The following ST8SIA5 variants were observed in gnomAD, a reference collection of about 807,000 sequenced individuals.
ST8SIA5 encodes the protein ST8 alpha-N-acetyl-neuraminide alpha-2,8-sialyltransferase 5.
A neutral mutation model predicts 40.2 loss-of-function variants in ST8SIA5; 24 were observed. The ratio of observed to expected loss-of-function variants is 0.60; its 90% CI spans 0.43 to 0.84. The LOEUF (loss-of-function observed/expected upper bound fraction) is 0.84. ST8SIA5 is among the 40% of genes least tolerant of loss of function. The pLI, the probability that ST8SIA5 is intolerant of heterozygous loss-of-function variation, is 0.00. For missense variants in ST8SIA5, 465 were observed against 498.5 expected (o/e 0.93, Z 0.64); for synonymous variants, 198 against 201.8 (o/e 0.98, Z 0.16).
At chr18:46,714,714 C>T (rs1472722363) in intron 1 of ST8SIA5, among the ~76,000 whole-genome samples, 4 of 152,182 alleles carry the variant, frequency 2.6e-5, no homozygotes, top group East Asian at 1.9e-4. Flanking sequence ...TCCACCTCCA[C>T]GGAGCCCTAT....
intron 1 of ST8SIA5, among the ~76,000 whole-genome samples, chr18:46,706,991 T>A (rs568572954): frequency 2.0e-5 from 3 of 152,310 alleles, no homozygotes; most frequent in East Asian, 3.9e-4. Context: ...CCTTAATAAA[T>A]CCTTTTCTGC....
At chr18:46,714,949 A>G (rs1428330207) in intron 1 of ST8SIA5, among the ~76,000 whole-genome samples, 1 of 152,184 alleles carries the variant, frequency 6.6e-6, no homozygotes, top group East Asian at 1.9e-4. Context: ...CCCTGACTTA[A>G]GGAGGAGGAG....
intron 1 of ST8SIA5, among the ~76,000 whole-genome samples, chr18:46,717,024 T>C (rs1213686435): frequency 6.6e-6 from 1 of 152,230 alleles, no homozygotes; most frequent in Non-Finnish European, 1.5e-5. Flanking sequence ...GGGGGACTCC[T>C]GCCTCAGCTG....
intron 1 of ST8SIA5, among the ~76,000 whole-genome samples, chr18:46,727,461 A>C (rs1314856270): frequency 6.6e-6 from 1 of 152,252 alleles, no homozygotes; most frequent in Non-Finnish European, 1.5e-5. Context: ...TTCAGGACAG[A>C]AGGCAAAATC....
In ST8SIA5 at chr18:46,704,629, T is replaced by C. The variant is rs576503234; in HGVS notation, c.167A>G (p.Asn56Ser). 6.2e-7 allele frequency: 1 copy of C among 1,613,552 alleles called. No individual in the cohort carries two copies. Among genetic ancestry groups the C allele is most frequent in the South Asian group, 1.1e-5 (1 of 91,040 alleles). The change falls in exon 2 of 7, where the codon AAC (asparagine) becomes AGC (serine). Residue 56 changes from asparagine (N) to serine (S), a missense_variant. By Grantham distance (46) the Asn-to-Ser change is conservative. Transcript: ENST00000315087. ...CCTCAGCTCCAGGCATCTTGTGGAG[T>C]TATATTCAAAAGGCCCCTCATAAAA... ...FEFYEGPFEY[N>S]STRCLELRHE...
chr18:46,732,421 G>A (rs115864900), intron 1 of ST8SIA5, among the ~76,000 whole-genome samples: 2,228 of 152,284 alleles, frequency 0.015, 58 homozygotes, highest in African/African-American at 0.05. Flanking sequence ...ACACATTGGG[G>A]TCTTCCCATA....
At chr18:46,744,656 C>T (rs1343971720) in intron 1 of ST8SIA5, among the ~76,000 whole-genome samples, 2 of 152,180 alleles carry the variant, frequency 1.3e-5, no homozygotes, top group African/African-American at 4.8e-5. Context: ...GACAGATCAA[C>T]AAGACAGAAG....
In ST8SIA5 at chr18:46,721,539, C is replaced by T. The variant is rs938303343; in HGVS notation, c.132-16875G>A. The T allele has an allele frequency of 6.9e-6, 9 of 1,306,588 alleles. No individual in the cohort carries two copies. In the Admixed American group the frequency reaches 1.8e-4, roughly 26 times the overall value. The allele number at this position is 1,306,588 out of a possible 1,614,324, so 80.9% of individuals were successfully genotyped here. On this transcript the variant is annotated intron_variant, in intron 1 of 6. Coordinates refer to ENST00000315087, the MANE Select transcript of ST8SIA5 (RefSeq NM_013305.6). ...GTTAAGCCTGCCTACCAGAGAGCCA[C>T]ATTCTGTTGCTGTGCCCAAGTGACA...
At chr18:46,731,917 C>A (rs1051861153) in intron 1 of ST8SIA5, 1 of 152,166 alleles carries the variant, frequency 6.6e-6, no homozygotes, top group African/African-American at 2.4e-5. Flanking sequence ...TCACTTCTAC[C>A]AGGGAGCAAA....
Position 46,670,447 on chromosome 18 carries a change from C to A in ST8SIA5, c.*9595G>T, listed in dbSNP as rs1488356661. The A allele has an allele frequency of 6.6e-6, 1 of 152,096 alleles. No homozygotes were observed. Among genetic ancestry groups the A allele is most frequent in the Non-Finnish European group, 1.5e-5 (1 of 68,018 alleles). The allele number at this position is 152,096 out of a possible 1,614,324, so 9.4% of individuals were successfully genotyped here. On this transcript the variant is annotated 3_prime_UTR_variant, in exon 7 of 7. Transcript: ENST00000315087. Reference sequence around the variant, plus strand: ...CCTGAGATATGTATTTAGTTTTGGTCTTTTTTAATTATTATTTTGAGACAG... The same window carrying A: ...CCTGAGATATGTATTTAGTTTTGGTATTTTTTAATTATTATTTTGAGACAG...
intron 1 of ST8SIA5, among the ~76,000 whole-genome samples, chr18:46,739,942 A>G (rs1225823118): frequency 6.6e-6 from 1 of 152,128 alleles, no homozygotes; most frequent in Non-Finnish European, 1.5e-5. Context: ...AGGGCTGCCT[A>G]TGGGGTCCAC....
chr18:46,706,569 T>C (rs1010248293), intron 1 of ST8SIA5, among the ~76,000 whole-genome samples: 22 of 152,348 alleles, frequency 1.4e-4, no homozygotes, highest in African/African-American at 5.3e-4. Context: ...TGTGTGTTTA[T>C]GTAATTGTGT....
At chr18:46,725,970 A>AT (rs58550909) in intron 1 of ST8SIA5, among the ~76,000 whole-genome samples, 22 of 31,766 alleles carry the variant, frequency 6.9e-4, no homozygotes, top group Non-Finnish European at 1.1e-3. Flanking sequence ...AAAAAAAAAA[A>AT]AAATATATAT....
intron 1 of ST8SIA5, chr18:46,721,518 A>G: frequency 6.8e-7 from 1 of 1,466,472 alleles, no homozygotes; most frequent in Non-Finnish European, 9.2e-7. Context: ...TGCTGGGTTA[A>G]GCCTGCCTAC....
At chr18:46,745,555 T>C (rs472371) in intron 1 of ST8SIA5, among the ~76,000 whole-genome samples, 104,698 of 152,032 alleles carry the variant, frequency 0.69, 36,637 homozygotes, top group Middle Eastern at 0.78. Flanking sequence ...TAACAGGTTC[T>C]GATATTGAGG....
chr18:46,712,295 C>A (rs1013306204), intron 1 of ST8SIA5, among the ~76,000 whole-genome samples: 1 of 152,152 alleles, frequency 6.6e-6, no homozygotes, highest in African/African-American at 2.4e-5. Flanking sequence ...CCACCATGCC[C>A]ACAGGCACCC....
intron 1 of ST8SIA5, among the ~76,000 whole-genome samples, chr18:46,725,039 GGAA>G (rs2039902036): frequency 7.4e-6 from 1 of 134,584 alleles, no homozygotes. Flanking sequence ...AAGGAAGGAA[GGAA>G]GGAAGGAAAA....
chr18:46,717,243 C>G (rs1422416014), intron 1 of ST8SIA5, among the ~76,000 whole-genome samples: 2 of 152,212 alleles, frequency 1.3e-5, no homozygotes, highest in African/African-American at 4.8e-5. Flanking sequence ...CTATCCTCCT[C>G]TGCCTTCCCA....
chr18:46,707,187 G>A (rs2039678340), intron 1 of ST8SIA5, among the ~76,000 whole-genome samples: 1 of 152,128 alleles, frequency 6.6e-6, no homozygotes, highest in Non-Finnish European at 1.5e-5. Flanking sequence ...AAGCCCTTTG[G>A]AATCCACTGA....
Sources: gnomAD v4.1 joint callset for allele counts (sites outside exome capture counted in the v4.1 genomes callset) on GRCh38, gnomAD v4.1.1 for gene constraint, MANE v1.5 for transcripts, NCBI Gene and HGNC (gene_info 2026-07-23, HGNC 2026-07-21) for gene names.